The following SLC5A11 variants were observed in gnomAD, a reference collection of about 807,000 sequenced individuals.
The protein encoded by SLC5A11 is solute carrier family 5 member 11.
In SLC5A11, 48 loss-of-function variants were observed where a neutral mutation model predicts 69.8. That is an observed-to-expected ratio of 0.69 (90% CI 0.55 to 0.87). The LOEUF (loss-of-function observed/expected upper bound fraction) is 0.87, where lower values mean the gene tolerates loss of function less well. Among genes scored for constraint, SLC5A11 ranks in the 40% least tolerant of loss-of-function variants. SLC5A11 has a pLI of 0.00. For missense variants in SLC5A11, 784 were observed against 866.1 expected (o/e 0.91, Z 1.19); for synonymous variants, 319 against 342.4 (o/e 0.93, Z 0.75).
chr16:24,877,012 T>G, intron 6 of SLC5A11: 1 of 1,232,108 alleles, frequency 8.1e-7, no homozygotes, highest in Non-Finnish European at 1.0e-6. Context: ...GAAGATGGAG[T>G]GGGAGAGGAC....
chr16:24,859,842 A>G (rs921986049), intron 2 of SLC5A11, among the ~76,000 whole-genome samples: 2 of 152,176 alleles, frequency 1.3e-5, no homozygotes, highest in Admixed American at 1.3e-4. Flanking sequence ...TTACTATAAT[A>G]AACTATACTA....
rs898723521 is a variant in SLC5A11 at position 24,910,195 on chromosome 16, A to C, written c.1651-111A>C. The stretch of plus-strand genomic sequence containing the variant: ...GGGGTGGGAGGGTGGGGCTGGGAGC[A>C]GATTCAGACACAAAGGCTGAGTGTG... On this transcript the variant is annotated intron_variant, in intron 14 of 15. Transcript: ENST00000347898. The C allele has an allele frequency of 2.2e-5, 23 of 1,053,898 alleles. No homozygotes were observed. In the Middle Eastern group the frequency reaches 9.5e-4, roughly 44 times the overall value. The allele number at this position is 1,053,898 out of a possible 1,614,324, so 65.3% of individuals were successfully genotyped here.
Position 24,898,113 on chromosome 16 carries a change from A to G in SLC5A11, c.1006+4A>G, listed in dbSNP as rs2049312400. 1 of 1,613,488 alleles carries G rather than the reference A, an allele frequency of 6.2e-7. No individual in the cohort carries two copies. The highest frequency in any genetic ancestry group is 1.3e-5 in the African/African-American group (1 of 74,920). On this transcript the variant is annotated splice_donor_region_variant and intron_variant, in intron 10 of 15. Coordinates refer to ENST00000347898, the Ensembl canonical transcript of SLC5A11. ...GTCAGCCGCATCCTCTTCCCAGGTGAGAACACAGCTGGGGGAAGAGGTCAT... is the reference window on the plus strand; with the variant it reads ...GTCAGCCGCATCCTCTTCCCAGGTGGGAACACAGCTGGGGGAAGAGGTCAT...
At chr16:24,904,089 G>C (rs548178743) in intron 10 of SLC5A11, among the ~76,000 whole-genome samples, 1 of 152,264 alleles carries the variant, frequency 6.6e-6, no homozygotes, top group African/African-American at 2.4e-5. Flanking sequence ...AAAACCATCA[G>C]ATCTCATGAG....
rs927149791 is a variant in SLC5A11, at chr16:24,910,632, G to A, written c.1822+155G>A. 4.6e-5 allele frequency among the ~76,000 whole-genome samples: 7 copies of A among 151,734 alleles called. No homozygotes were observed. In the East Asian group the frequency reaches 7.7e-4, roughly 17 times the overall value. On this transcript the variant is annotated intron_variant, in intron 15 of 15. Coordinates refer to ENST00000347898, the Ensembl canonical transcript of SLC5A11. ...AGTGTCTGATCTGTCCCCACGCTCC[G>A]GCCATGGGAAAGGAGTTTTTAGTAA...
Position 24,869,706 on chromosome 16 carries a change from G to A in SLC5A11, c.208-195G>A, listed in dbSNP as rs114477157. On this transcript the variant is annotated intron_variant, in intron 3 of 15. Transcript: ENST00000347898. ...TTTATTCTACCAATTTCTGACAGGT[G>A]GGCTCTGACCAAGTAAGAGTCTTGG... Among the ~76,000 whole-genome samples the A allele has an allele frequency of 8.5e-3, 1,299 of 152,274 alleles. 21 individuals carry two copies. The highest frequency in any genetic ancestry group is 0.03 in the African/African-American group (1,239 of 41,548).
At chr16:24,858,316 C>T (rs138079267) in intron 1 of SLC5A11, among the ~76,000 whole-genome samples, 2 of 152,180 alleles carry the variant, frequency 1.3e-5, no homozygotes, top group Non-Finnish European at 2.9e-5. Flanking sequence ...CTCTGGGACA[C>T]GTGCTTGCTG....
At chr16:24,908,982 C>T (rs774188243) in exon 14 of SLC5A11, 51 of 1,613,968 alleles carry the variant, frequency 3.2e-5, no homozygotes, top group Non-Finnish European at 3.9e-5. Context: ...CAGATGAGCG[C>T]CCGGTCCTGG....
At chr16:24,879,562 C>T (rs1351745703) in intron 7 of SLC5A11, among the ~76,000 whole-genome samples, 1 of 152,138 alleles carries the variant, frequency 6.6e-6, no homozygotes, top group African/African-American at 2.4e-5. Context: ...CATGGTGAAA[C>T]CCATTCTCTA....
chr16:24,872,251 T>C, intron 5 of SLC5A11, 32 bp downstream of exon 6: 1 of 1,612,622 alleles, frequency 6.2e-7, no homozygotes, highest in Non-Finnish European at 8.5e-7. Context: ...TGCTGTAGAA[T>C]TGAAAGATGC....
At chr16:24,888,449 G>T (rs373118475) in intron 8 of SLC5A11, among the ~76,000 whole-genome samples, 1 of 150,384 alleles carries the variant, frequency 6.6e-6, no homozygotes. Context: ...TGACATTATG[G>T]GTTACTCCAG....
chr16:24,863,431 G>A (rs2046727020), intron 3 of SLC5A11, among the ~76,000 whole-genome samples: 1 of 152,054 alleles, frequency 6.6e-6, no homozygotes, highest in Non-Finnish European at 1.5e-5. Flanking sequence ...TTTTAACCAG[G>A]TAGCTGAATC....
chr16:24,857,450 A>G (rs2152243079), intron 1 of SLC5A11, among the ~76,000 whole-genome samples: 1 of 152,362 alleles, frequency 6.6e-6, no homozygotes, highest in African/African-American at 2.4e-5. Context: ...CCTTACAGTT[A>G]CAGAGGTTAG....
At chr16:24,846,362 A>G (rs1039083660) in exon 1 of SLC5A11, 4 of 152,196 alleles carry the variant, frequency 2.6e-5, no homozygotes, top group African/African-American at 9.7e-5. Flanking sequence ...CTCCCTCCTT[A>G]CAACCACCGC....
chr16:24,890,100 T>C (rs1030226861), intron 8 of SLC5A11, among the ~76,000 whole-genome samples: 10 of 152,158 alleles, frequency 6.6e-5, no homozygotes, highest in African/African-American at 1.9e-4. Flanking sequence ...TACAGAGGGA[T>C]TTCTCAATAT....
chr16:24,890,734 T>G lies in SLC5A11; in HGVS notation c.665-135T>G, dbSNP rs1015299953. ...AAGTTAAAAAAATGTGGGGAGGAGG[T>G]TAAGAACCCTTAAGGGGATTAACAT... On this transcript the variant is annotated intron_variant, in intron 8 of 15. Coordinates refer to ENST00000347898, the Ensembl canonical transcript of SLC5A11. The G allele has an allele frequency of 2.1e-5, 16 of 760,914 alleles. No homozygotes were observed. In the East Asian group the frequency reaches 4.0e-4, roughly 19 times the overall value. The allele number at this position is 760,914 out of a possible 1,614,324, so 47.1% of individuals were successfully genotyped here.
chr16:24,868,319 G>A (rs1194478163), intron 3 of SLC5A11, among the ~76,000 whole-genome samples: 4 of 150,666 alleles, frequency 2.7e-5, no homozygotes, highest in Admixed American at 6.6e-5. Flanking sequence ...GGCCAGGTGT[G>A]GTGGCTCATG....
chr16:24,885,609 C>T (rs2048340140), intron 8 of SLC5A11, among the ~76,000 whole-genome samples: 1 of 141,122 alleles, frequency 7.1e-6, no homozygotes, highest in Non-Finnish European at 1.5e-5. Flanking sequence ...GATTGTGCCA[C>T]TGCACTCCGG....
intron 1 of SLC5A11, among the ~76,000 whole-genome samples, chr16:24,848,345 A>C (rs1353384348): frequency 6.6e-6 from 1 of 150,856 alleles, no homozygotes; most frequent in African/African-American, 2.4e-5. Flanking sequence ...GAGGTGGCTC[A>C]TGCCTGCAAC....
Sources: allele counts gnomAD v4.1 joint callset (sites outside exome capture counted in the v4.1 genomes callset), GRCh38; gene constraint gnomAD v4.1.1; transcripts MANE v1.5; gene names NCBI Gene and HGNC (gene_info 2026-07-23, HGNC 2026-07-21).